Variants in ITGA9 observed in about 807,000 individuals in gnomAD.
ITGA9 encodes integrin subunit alpha 9.
Under a neutral mutation model 127.8 loss-of-function variants are expected in ITGA9, and 56 were observed. The observed-to-expected ratio is 0.44, with a 90% CI of 0.35 to 0.55. The LOEUF is 0.55. ITGA9 is among the 20% of genes least tolerant of loss of function. The pLI is 0.00. For synonymous variants in ITGA9, 508 were observed against 514.5 expected (o/e 0.99, Z 0.17); for missense variants, 1,196 against 1,347.1 (o/e 0.89, Z 1.76).
At chr3:37,514,851 C>T (rs988422043) in intron 9 of ITGA9, among the ~76,000 whole-genome samples, 3 of 152,100 alleles carry the variant, frequency 2.0e-5, no homozygotes, top group African/African-American at 7.2e-5. Context: ...CAGACGTGAG[C>T]CACCACGCCT....
intron 18 of ITGA9, among the ~76,000 whole-genome samples, chr3:37,691,196 C>A (rs1010437594): frequency 3.3e-5 from 5 of 152,184 alleles, no homozygotes; most frequent in African/African-American, 4.8e-5. Context: ...GTGGTCAGGG[C>A]TCACCAGCCT....
intron 15 of ITGA9, among the ~76,000 whole-genome samples, chr3:37,574,691 G>A (rs184339984): frequency 1.3e-5 from 2 of 152,250 alleles, no homozygotes; most frequent in Non-Finnish European, 2.9e-5. Flanking sequence ...GCCATTTCCC[G>A]TCAGAGTGGG....
chr3:37,612,663 T>A (rs1236207957), intron 15 of ITGA9, among the ~76,000 whole-genome samples: 1 of 152,196 alleles, frequency 6.6e-6, no homozygotes, highest in Non-Finnish European at 1.5e-5. Context: ...GAACTTCTGG[T>A]TTAAGATATG....
At chr3:37,676,009 T>G (rs1700678619) in intron 17 of ITGA9, among the ~76,000 whole-genome samples, 1 of 152,222 alleles carries the variant, frequency 6.6e-6, no homozygotes, top group African/African-American at 2.4e-5. Context: ...CCCAAAGTGC[T>G]GGGATTACAG....
At chr3:37,664,971 CT>C (rs34608197) in intron 17 of ITGA9, among the ~76,000 whole-genome samples, 25,062 of 122,498 alleles carry the variant, frequency 0.2, 2,743 homozygotes, top group Admixed American at 0.3. Flanking sequence ...GAGTAGCTGG[CT>C]TTTTTTTTTT....
chr3:37,742,908 A>T (rs1023489081), intron 21 of ITGA9, among the ~76,000 whole-genome samples: 14 of 152,134 alleles, frequency 9.2e-5, no homozygotes, highest in African/African-American at 3.4e-4. Context: ...TCTATTTTTA[A>T]CTGTATCATT....
At chr3:37,559,834 A>G (rs1261616400) in intron 15 of ITGA9, among the ~76,000 whole-genome samples, 1 of 152,202 alleles carries the variant, frequency 6.6e-6, no homozygotes, top group African/African-American at 2.4e-5. Flanking sequence ...GGGGGCCCCA[A>G]GGCAGTGGTG....
chr3:37,764,486 A>AAAAT (rs1225619893), intron 23 of ITGA9, among the ~76,000 whole-genome samples: 2 of 150,676 alleles, frequency 1.3e-5, no homozygotes, highest in African/African-American at 4.9e-5. Context: ...AAAAAAAAAA[A>AAAAT]AAAAATCAAG....
At chr3:37,672,122 C>G (rs900997719) in intron 17 of ITGA9, among the ~76,000 whole-genome samples, 1 of 152,058 alleles carries the variant, frequency 6.6e-6, no homozygotes, top group Non-Finnish European at 1.5e-5. Flanking sequence ...CTGGGCCAGA[C>G]TACTAGGTTG....
chr3:37,788,938 G>A (rs962633067), intron 26 of ITGA9, among the ~76,000 whole-genome samples: 1 of 152,118 alleles, frequency 6.6e-6, no homozygotes, highest in Non-Finnish European at 1.5e-5. Flanking sequence ...AAGCAGAAAT[G>A]CCCAACATTT....
chr3:37,620,495 C>T (rs934719969), intron 15 of ITGA9, among the ~76,000 whole-genome samples: 1 of 152,146 alleles, frequency 6.6e-6, no homozygotes, highest in Non-Finnish European at 1.5e-5. Context: ...TTTCTCTAAT[C>T]TTCACAACAA....
At position 37,518,093 on chromosome 3, in the gene ITGA9, C is replaced by CGTGTGTGTGTGT. The variant is rs55842055; in HGVS notation, c.1141+501_1141+512dup. Among the ~76,000 whole-genome samples, 1,038 of 144,194 alleles carry CGTGTGTGTGTGT rather than the reference C, an allele frequency of 7.2e-3. 18 individuals carry two copies. Among genetic ancestry groups the CGTGTGTGTGTGT allele is most frequent in the African/African-American group, 0.023 (902 of 39,270 alleles). The allele number at this position is 144,194 out of a possible 152,430, so 94.6% of individuals were successfully genotyped here. On this transcript the variant is annotated intron_variant, in intron 10 of 27. Transcript: ENST00000264741. ...CTAGATTGACTTTTGAGAGTGTACG[C>CGTGTGTGTGTGT]GTGTGTGTGTGTGTGTGTGTGTGTG...
At position 37,815,388 on chromosome 3, in the gene ITGA9, C is replaced by G. The variant is rs915715022; in HGVS notation, c.3010-3503C>G. Among the ~76,000 whole-genome samples the G allele has an allele frequency of 8.5e-5, 13 of 152,294 alleles. No homozygotes were observed. In the South Asian group the frequency reaches 2.5e-3, roughly 29 times the overall value. ...CTTTGGGAAGCCAAGGCAGGCGGAT[C>G]ACTTGATGTCAGGAGTTTGAGACCA... On this transcript the variant is annotated intron_variant, in intron 27 of 27. Coordinates refer to ENST00000264741, the MANE Select transcript of ITGA9 (RefSeq NM_002207.3).
chr3:37,721,154 C>T (rs1701186457), intron 18 of ITGA9, among the ~76,000 whole-genome samples: 1 of 128,522 alleles, frequency 7.8e-6, no homozygotes, highest in Admixed American at 8.7e-5. Context: ...AAAAATCTCA[C>T]TGTGGCACCC....
chr3:37,635,876 C>G (rs996591328), intron 16 of ITGA9, among the ~76,000 whole-genome samples: 2 of 148,380 alleles, frequency 1.3e-5, no homozygotes, highest in African/African-American at 2.5e-5. Context: ...TGAGAACATG[C>G]GGTGTTTGGT....
chr3:37,819,219 G>GC lies in ITGA9; in HGVS notation c.*230_*231insC. ...AAAGATGAACTCTGAACTTTGGAGA[G>GC]TGAGCTACAGAGCCGAGCAATATTT... On this transcript the variant is annotated 3_prime_UTR_variant, in exon 28 of 28. Coordinates refer to ENST00000264741, the MANE Select transcript of ITGA9 (RefSeq NM_002207.3). 1 of 588,820 alleles carries GC rather than the reference G, an allele frequency of 1.7e-6. No homozygotes were observed. The highest frequency in any genetic ancestry group is 2.9e-5 in the East Asian group (1 of 34,824). The allele number at this position is 588,820 out of a possible 1,614,324, so 36.5% of individuals were successfully genotyped here.
At chr3:37,512,814 A>G (rs1698946281) in intron 8 of ITGA9, among the ~76,000 whole-genome samples, 1 of 150,078 alleles carries the variant, frequency 6.7e-6, no homozygotes, top group South Asian at 2.2e-4. Context: ...AGTCTCCACC[A>G]CTCCCTATTG....
At chr3:37,755,018 T>C (rs146429318) in intron 23 of ITGA9, among the ~76,000 whole-genome samples, 60 of 152,254 alleles carry the variant, frequency 3.9e-4, no homozygotes, top group African/African-American at 1.2e-3. Context: ...TCAGTCGATA[T>C]AATCCAAAGC....
At chr3:37,490,010 C>G (rs1436435033) in intron 4 of ITGA9, among the ~76,000 whole-genome samples, 4 of 151,412 alleles carry the variant, frequency 2.6e-5, no homozygotes, top group East Asian at 1.9e-4. Context: ...ACTGCATAGT[C>G]TGAGCTAATT....
Sources: gnomAD v4.1 joint callset for allele counts (sites outside exome capture counted in the v4.1 genomes callset) on GRCh38, gnomAD v4.1.1 for gene constraint, MANE v1.5 for transcripts, NCBI Gene and HGNC (gene_info 2026-07-23, HGNC 2026-07-21) for gene names.